The following TNNI3K variants were observed in gnomAD, a reference collection of about 807,000 sequenced individuals.
TNNI3K encodes the protein serine/threonine-protein kinase TNNI3K.
In TNNI3K, 140 loss-of-function variants were observed where a neutral mutation model predicts 114.5. That is an observed-to-expected ratio of 1.22 (90% CI 1.07 to 1.41). The LOEUF is 1.41. Ranked by LOEUF, TNNI3K falls within the 40% of genes most tolerant of loss-of-function variation. The probability of loss-of-function intolerance (pLI) is 0.00; values close to 1 mark genes in which losing one functional copy is unlikely to be tolerated. For missense variants in TNNI3K, 1,125 were observed against 1,007.6 expected (o/e 1.12, Z -1.58); for synonymous variants, 347 against 347.5 (o/e 1.00, Z 0.02).
chr1:74,244,889 G>T (rs1654459512), intron 2 of TNNI3K, among the ~76,000 whole-genome samples: 1 of 151,692 alleles, frequency 6.6e-6, no homozygotes. Context: ...ACCCTCCTTT[G>T]CATTTTTCAT....
At chr1:74,407,115 G>A (rs888953548) in intron 17 of TNNI3K, among the ~76,000 whole-genome samples, 1 of 152,172 alleles carries the variant, frequency 6.6e-6, no homozygotes, top group Non-Finnish European at 1.5e-5. Flanking sequence ...CAAAGCCAAA[G>A]TTAATAGTAC....
intron 5 of TNNI3K, among the ~76,000 whole-genome samples, chr1:74,273,332 T>C (rs1656471868): frequency 6.6e-6 from 1 of 151,764 alleles, no homozygotes; most frequent in Admixed American, 6.6e-5. Context: ...AAGGGGAAAT[T>C]CCATTAGATT....
chr1:74,540,604 T>C (rs1646714992), intron 24 of TNNI3K, among the ~76,000 whole-genome samples: 1 of 109,618 alleles, frequency 9.1e-6, no homozygotes, highest in South Asian at 3.0e-4. Flanking sequence ...CAACTCTTTT[T>C]TTAAAAAAAA....
intron 23 of TNNI3K, among the ~76,000 whole-genome samples, chr1:74,519,866 G>A (rs1468913847): frequency 6.6e-6 from 1 of 152,088 alleles, no homozygotes; most frequent in Non-Finnish European, 1.5e-5. Context: ...GTGGCAGTGT[G>A]GGTGTCCTAT....
intron 17 of TNNI3K, among the ~76,000 whole-genome samples, chr1:74,417,974 A>G (rs962816762): frequency 2.6e-5 from 4 of 152,106 alleles, no homozygotes; most frequent in Non-Finnish European, 4.4e-5. Context: ...TCCAATTTCA[A>G]TGTCTATTCT....
chr1:74,410,192 A>C (rs2100610023), intron 17 of TNNI3K, among the ~76,000 whole-genome samples: 1 of 152,334 alleles, frequency 6.6e-6, no homozygotes, highest in African/African-American at 2.4e-5. Context: ...ACATCAATAA[A>C]GGAAGTTTCT....
intron 2 of TNNI3K, among the ~76,000 whole-genome samples, chr1:74,238,426 T>C (rs921774284): frequency 6.6e-6 from 1 of 152,026 alleles, no homozygotes; most frequent in African/African-American, 2.4e-5. Context: ...ATTGAGTAGT[T>C]GGAAATTTCT....
Position 74,439,624 on chromosome 1 carries a change from T to C in TNNI3K, c.2011+2T>C, listed in dbSNP as rs766222084. 1 of 1,612,994 alleles carries C rather than the reference T, an allele frequency of 6.2e-7. No individual in the cohort carries two copies. The highest frequency in any genetic ancestry group is 2.2e-5 in the East Asian group (1 of 44,860). On this transcript the variant is annotated splice_donor_variant, in intron 20 of 24. Transcript: ENST00000326637. LOFTEE classifies it high-confidence loss of function. ...TTCCATTCGCTCATCTCAAGCCAGG[T>C]AAGACACACTGCAATTGAAGTTTTC...
At chr1:74,473,124 T>G (rs992080568) in intron 21 of TNNI3K, among the ~76,000 whole-genome samples, 1 of 152,120 alleles carries the variant, frequency 6.6e-6, no homozygotes, top group Non-Finnish European at 1.5e-5. Context: ...AGTAATACCA[T>G]TAATTGAGCA....
rs146206220 is a variant in TNNI3K, at chr1:74,463,866, G to T, written c.2121+316G>T. 5.9e-4 allele frequency among the ~76,000 whole-genome samples: 90 copies of T among 152,308 alleles called. 2 individuals are homozygous for T. Among genetic ancestry groups the T allele is most frequent in the African/African-American group, 2.1e-3 (87 of 41,574 alleles). On this transcript the variant is annotated intron_variant, in intron 21 of 24. Coordinates refer to ENST00000326637, the MANE Select transcript of TNNI3K (RefSeq NM_015978.3). ...CGTGAGCCACACTTAGTCATTTTCT[G>T]AAGCAAGAAATTTGGCACAAGATGG...
At chr1:74,486,979 T>C (rs780407140) in intron 21 of TNNI3K, among the ~76,000 whole-genome samples, 12 of 152,026 alleles carry the variant, frequency 7.9e-5, no homozygotes, top group Non-Finnish European at 1.5e-4. Flanking sequence ...TCAGCAGTGT[T>C]GTAGGAGAAA....
intron 17 of TNNI3K, among the ~76,000 whole-genome samples, chr1:74,386,851 T>G (rs78765141): frequency 0.012 from 1,795 of 152,292 alleles, 22 homozygotes; most frequent in Admixed American, 0.045. Context: ...CCTTGATGAC[T>G]ATAAATGACT....
At chr1:74,497,622 C>G (rs1253538400) in intron 23 of TNNI3K, among the ~76,000 whole-genome samples, 1 of 151,388 alleles carries the variant, frequency 6.6e-6, no homozygotes, top group Non-Finnish European at 1.5e-5. Context: ...ACATACATTC[C>G]TCCACACACA....
intron 19 of TNNI3K, among the ~76,000 whole-genome samples, chr1:74,436,788 C>T (rs1480362132): frequency 6.6e-6 from 1 of 151,824 alleles, no homozygotes; most frequent in African/African-American, 2.4e-5. Context: ...CTGAAAAGAA[C>T]GTTGTGGGCA....
intron 20 of TNNI3K, among the ~76,000 whole-genome samples, chr1:74,455,724 G>A (rs758894861): frequency 6.6e-6 from 1 of 152,120 alleles, no homozygotes; most frequent in African/African-American, 2.4e-5. Context: ...GTCAGGAGAA[G>A]GTGCATGTCA....
chr1:74,235,437 A>G lies in TNNI3K; in HGVS notation c.-15A>G. The G allele has an allele frequency of 6.6e-7, 1 of 1,513,112 alleles. No individual in the cohort carries two copies. 93.7% of individuals were successfully genotyped at this position (1,513,112 alleles called of 1,614,324 possible). ...TTGAAGAACTGCCCTGGAGAAAGGA[A>G]GAAACTTATAATAAATGGGAAATTA... On this transcript the variant is annotated 5_prime_UTR_variant, in exon 1 of 25. Transcript: ENST00000326637.
intron 12 of TNNI3K, 117 bp from the exon 13 acceptor site, chr1:74,367,791 G>A (rs1662351630): frequency 1.1e-6 from 1 of 888,174 alleles, no homozygotes; most frequent in Non-Finnish European, 1.7e-6. Flanking sequence ...AGAAAGATTT[G>A]GGCCTGAAGC....
intron 21 of TNNI3K, among the ~76,000 whole-genome samples, chr1:74,465,745 C>A (rs1336657573): frequency 6.6e-6 from 1 of 152,178 alleles, no homozygotes; most frequent in Non-Finnish European, 1.5e-5. Context: ...TCTTGGAGAA[C>A]TTTTATGTCT....
chr1:74,379,599 A>G (rs186729034), intron 17 of TNNI3K, among the ~76,000 whole-genome samples: 1 of 152,234 alleles, frequency 6.6e-6, no homozygotes, highest in East Asian at 1.9e-4. Flanking sequence ...CTGAACCTCC[A>G]GAAGAAACAG....
Sources: gnomAD v4.1 joint callset for allele counts (sites outside exome capture counted in the v4.1 genomes callset) on GRCh38, gnomAD v4.1.1 for gene constraint, MANE v1.5 for transcripts, NCBI Gene and HGNC (gene_info 2026-07-23, HGNC 2026-07-21) for gene names.